Variants in ZNF18 observed in about 807,000 individuals in gnomAD.
ZNF18 encodes the protein heart development-specific gene 1 protein.
ZNF18 carries 42 observed loss-of-function variants against 58.1 expected under a neutral mutation model. That is an observed-to-expected ratio of 0.72 (90% CI 0.56 to 0.93). The LOEUF is 0.93. Ranked by LOEUF, ZNF18 falls within the 40% of genes least tolerant of loss-of-function variation. The pLI is 0.00. For synonymous variants in ZNF18, 231 were observed against 239.8 expected (o/e 0.96, Z 0.34); for missense variants, 540 against 644.2 (o/e 0.84, Z 1.75).
rs1967504243 is a variant in ZNF18, at chr17:11,983,343, T to C, written c.816A>G (p.Gly272=). ...NSIEFGEELA[G]IYLHVNEKIP... is the part of the protein sequence containing the mutation. ...TCTTCTCATTGACATGAAGGTATAT[T>C]CCTGCCAGCTCTTCCCCAAATTCTA... Residue 272 remains glycine, a synonymous_variant, in exon 6 of 7, where the codon GGA becomes GGG. Coordinates refer to ENST00000580306, the MANE Select transcript of ZNF18 (RefSeq NM_001303281.2). 6.2e-7 allele frequency: 1 copy of C among 1,614,080 alleles called. No homozygotes were observed. The highest frequency in any genetic ancestry group is 8.5e-7 in the Non-Finnish European group (1 of 1,179,968).
chr17:11,994,390 G>A (rs11658975), intron 1 of ZNF18, among the ~76,000 whole-genome samples: 94,263 of 152,030 alleles, frequency 0.62, 31,823 homozygotes, highest in South Asian at 0.82. Flanking sequence ...AGATAGGGGC[G>A]CCAACCCCCC....
At chr17:11,998,390 T>C (rs912059287), upstream of ZNF18, 1 of 152,146 alleles carries the variant, frequency 6.6e-6, no homozygotes, top group Non-Finnish European at 1.5e-5. Context: ...AGGAGGGTAT[T>C]CAAAAAAAGC....
chr17:12,008,619 G>A, the ZNF18 span, among the ~76,000 whole-genome samples: 1 of 152,196 alleles, frequency 6.6e-6, no homozygotes, highest in Non-Finnish European at 1.5e-5. Flanking sequence ...CAAGGTTAAT[G>A]ATGCTCCCCT....
the ZNF18 span, among the ~76,000 whole-genome samples, chr17:12,013,685 T>C: frequency 6.6e-6 from 1 of 152,222 alleles, no homozygotes; most frequent in Non-Finnish European, 1.5e-5. Context: ...CATTTTTTTG[T>C]TGGGTATTCT....
At chr17:11,981,610 T>C (rs1293987199) in intron 6 of ZNF18, among the ~76,000 whole-genome samples, 1 of 148,046 alleles carries the variant, frequency 6.8e-6, no homozygotes, top group Non-Finnish European at 1.5e-5. Context: ...CAGTATCTAA[T>C]GGGACCATGT....
chr17:11,993,858 A>G (rs961324906), intron 1 of ZNF18, among the ~76,000 whole-genome samples: 1 of 134,234 alleles, frequency 7.4e-6, no homozygotes, highest in East Asian at 2.5e-4. Context: ...AAGAGGGTTG[A>G]GAAGACTAAC....
At chr17:12,020,760 G>A in the ZNF18 span, 18 of 410,212 alleles carry the variant, frequency 4.4e-5, no homozygotes, top group African/African-American at 3.7e-4. Flanking sequence ...GGCGTGTCAG[G>A]AGGCGTGTCC....
At chr17:12,007,058 G>A in the ZNF18 span, among the ~76,000 whole-genome samples, 17 of 152,146 alleles carry the variant, frequency 1.1e-4, no homozygotes, top group Middle Eastern at 3.4e-3. Context: ...TTTTGTTTCT[G>A]TCTTTTTAGA....
chr17:11,987,139 T>TG (rs1967803047), intron 4 of ZNF18, among the ~76,000 whole-genome samples: 4 of 152,214 alleles, frequency 2.6e-5, no homozygotes, highest in Non-Finnish European at 5.9e-5. Flanking sequence ...ATTCTATTTT[T>TG]GTGTGGAACT....
At chr17:12,017,026 A>G in the ZNF18 span, among the ~76,000 whole-genome samples, 4 of 151,546 alleles carry the variant, frequency 2.6e-5, no homozygotes, top group East Asian at 7.8e-4. Flanking sequence ...GTGAAACCCC[A>G]TCTCTACTAA....
upstream of ZNF18, among the ~76,000 whole-genome samples, chr17:12,001,291 G>A (rs534725009): frequency 6.6e-6 from 1 of 152,284 alleles, no homozygotes; most frequent in East Asian, 1.9e-4. Context: ...AGAGGAGTAA[G>A]TTTTAGCAAT....
At chr17:11,994,252 C>A (rs1382107657) in intron 1 of ZNF18, among the ~76,000 whole-genome samples, 2 of 151,924 alleles carry the variant, frequency 1.3e-5, no homozygotes, top group African/African-American at 4.8e-5. Flanking sequence ...TACCGTTTCA[C>A]CAAAATAATT....
chr17:11,978,203 G>A lies in ZNF18; in HGVS notation c.1404C>T (p.Tyr468=), dbSNP rs1252008978. The A allele has an allele frequency of 6.2e-7, 1 of 1,614,026 alleles. No homozygotes were observed. The highest frequency in any genetic ancestry group is 1.3e-5 in the African/African-American group (1 of 74,924). Residue 468 remains tyrosine, a synonymous_variant, in exon 7 of 7, where the codon TAC becomes TAT. Transcript: ENST00000580306. ...AGAAGTCACTAAAGCCTTTCCCACA[G>A]TAATCACATTTACAGGGCTTCTCTC... ...HTGEKPCKCD[Y]CGKGFSDFSG...
At position 11,992,532 on chromosome 17, in the gene ZNF18, A is replaced by G. The variant is rs1220871124; in HGVS notation, c.298T>C (p.Trp100Arg). Residue 100 changes from tryptophan to arginine, a missense_variant, in exon 2 of 7, where the codon TGG (tryptophan) becomes CGG (arginine). Physicochemically the swap from Trp to Arg is moderately radical, Grantham distance 101 (BLOSUM62 -3). Coordinates refer to ENST00000580306, the MANE Select transcript of ZNF18 (RefSeq NM_001303281.2). ...LTILPGEIQM[W>R]VRKQCPGSGE... ...CTTCCTGGACACTGTTTCCGCACCC[A>G]CATCTGGATCTCCCCAGGCAGGATG... 2.5e-6 allele frequency: 4 copies of G among 1,614,174 alleles called. No individual in the cohort carries two copies. In the South Asian group the frequency reaches 4.4e-5, roughly 18 times the overall value.
rs769016734 is a variant in ZNF18, at chr17:11,991,010, T to A, written c.541A>T (p.Ile181Phe). 2 of 1,614,186 alleles carry A rather than the reference T, an allele frequency of 1.2e-6. No individual in the cohort carries two copies. Among genetic ancestry groups the A allele is most frequent in the South Asian group, 2.2e-5 (2 of 91,082 alleles). The change falls in exon 3 of 7, where the codon ATC becomes TTC. Residue 181 changes from isoleucine to phenylalanine, a missense_variant. By Grantham distance (21) the Ile-to-Phe change is conservative. Transcript: ENST00000580306. ...SSGPGELLSH[I>F]VKEESDTEAE... ...TCTGTGTCAGATTCCTCTTTCACGA[T>A]GTGGCTCAGAAGCTCCCCAGGCCCT...
the ZNF18 span, chr17:12,021,251 C>T: frequency 3.5e-6 from 1 of 282,690 alleles, no homozygotes; most frequent in Admixed American, 5.3e-5. Flanking sequence ...CTACCGGGCT[C>T]TCAGCAGGCC....
chr17:11,980,788 G>A (rs1967290444), intron 6 of ZNF18, among the ~76,000 whole-genome samples: 1 of 151,944 alleles, frequency 6.6e-6, no homozygotes, highest in Admixed American at 6.6e-5. Context: ...ATTGATCTGT[G>A]CATCTATTTT....
chr17:11,983,431 G>A (rs941046866), intron 5 of ZNF18, 24 bp from the exon 6 acceptor site: 2 of 1,572,306 alleles, frequency 1.3e-6, no homozygotes, highest in Admixed American at 1.7e-5. Context: ...GATGTATGGT[G>A]GGCCTGGATG....
intron 6 of ZNF18, among the ~76,000 whole-genome samples, chr17:11,981,747 T>A (rs1967373660): frequency 6.6e-6 from 1 of 152,000 alleles, no homozygotes; most frequent in African/African-American, 2.4e-5. Flanking sequence ...TCCATTCAAT[T>A]CTACTATGAA....
Sources: gnomAD v4.1 joint callset for allele counts (sites outside exome capture counted in the v4.1 genomes callset) on GRCh38, gnomAD v4.1.1 for gene constraint, MANE v1.5 for transcripts, NCBI Gene and HGNC (gene_info 2026-07-23, HGNC 2026-07-21) for gene names.